Variants in GNG12 observed in about 807,000 individuals in gnomAD.
GNG12 encodes the protein G protein subunit gamma 12.
For missense variants in GNG12, 69 were observed against 83.8 expected (o/e 0.82, Z 0.69); for synonymous variants, 28 against 29.7 (o/e 0.94, Z 0.19).
intron 1 of GNG12, among the ~76,000 whole-genome samples, chr1:67,804,871 G>C (rs1646886276): frequency 6.6e-6 from 1 of 152,122 alleles, no homozygotes; most frequent in Non-Finnish European, 1.5e-5. Flanking sequence ...TTTACCTCTA[G>C]AAGCTCTCTC....
intron 2 of GNG12, among the ~76,000 whole-genome samples, chr1:67,721,961 C>T (rs867263602): frequency 2.6e-5 from 4 of 152,190 alleles, no homozygotes; most frequent in Middle Eastern, 3.4e-3. Flanking sequence ...AATCTACCCC[C>T]AGTTCTTGGT....
intron 2 of GNG12, among the ~76,000 whole-genome samples, chr1:67,756,033 T>C (rs1330788224): frequency 4.6e-5 from 7 of 152,148 alleles, no homozygotes. Flanking sequence ...CCCATCTTAC[T>C]TGTGCCTGGC....
At chr1:67,815,179 C>T (rs1246919567) in intron 1 of GNG12, among the ~76,000 whole-genome samples, 1 of 152,110 alleles carries the variant, frequency 6.6e-6, no homozygotes, top group Non-Finnish European at 1.5e-5. Flanking sequence ...GTATTTGTAT[C>T]CAGGAAATCA....
intron 1 of GNG12, among the ~76,000 whole-genome samples, chr1:67,791,154 C>T (rs1004682046): frequency 7.4e-6 from 1 of 135,186 alleles, no homozygotes; most frequent in African/African-American, 2.9e-5. Context: ...ACATGTATCT[C>T]CTAATTCCAG....
intron 2 of GNG12, among the ~76,000 whole-genome samples, chr1:67,760,263 ATCCTGGGCAACTCCCTGAGTT>A (rs1557608038): frequency 6.6e-6 from 1 of 152,134 alleles, no homozygotes; most frequent in Non-Finnish European, 1.5e-5. Context: ...ACGCATGCAA[ATCCTGGGCAACTCCCTGAGTT>A]TCCAAGGCAA....
rs1390585855 is a variant in GNG12 at position 67,703,149 on chromosome 1, GA to G, written c.*2301del. The G allele has an allele frequency of 1.3e-5, 2 of 151,994 alleles. No homozygotes were observed. The highest frequency in any genetic ancestry group is 4.8e-5 in the African/African-American group (2 of 41,304). The allele number at this position is 151,994 out of a possible 1,614,324, so 9.4% of individuals were successfully genotyped here. On this transcript the variant is annotated 3_prime_UTR_variant, in exon 4 of 4. Coordinates refer to ENST00000370982, the MANE Select transcript of GNG12 (RefSeq NM_018841.6). ...CAGCATCAAAAGATTTGATATTCATGAACATGCCCTACACCTGGTTAGGAAG... is the reference window on the plus strand; with the variant it reads ...CAGCATCAAAAGATTTGATATTCATGACATGCCCTACACCTGGTTAGGAAG...
intron 2 of GNG12, among the ~76,000 whole-genome samples, chr1:67,769,232 G>A (rs1646658744): frequency 6.6e-6 from 1 of 152,142 alleles, no homozygotes; most frequent in Admixed American, 6.5e-5. Context: ...GCTTCACCAT[G>A]GGTTGGGGGG....
rs115246458 is a variant in GNG12 at position 67,805,101 on chromosome 1, C to T, written c.-76-27594G>A. 3.3e-3 allele frequency among the ~76,000 whole-genome samples: 510 copies of T among 152,280 alleles called. 2 individuals are homozygous for T. Among genetic ancestry groups the T allele is most frequent in the African/African-American group, 0.012 (494 of 41,564 alleles). ...CTCCAGTACTCTCCTGTTACCCTGT[C>T]CCACCTAAGGGAAGAAAAAATACTG... On this transcript the variant is annotated intron_variant, in intron 1 of 3. Coordinates refer to ENST00000370982, the MANE Select transcript of GNG12 (RefSeq NM_018841.6).
rs115327259 is a variant in GNG12, at chr1:67,816,614, G to A, written c.-77+16730C>T. On this transcript the variant is annotated intron_variant, in intron 1 of 3. Coordinates refer to ENST00000370982, the MANE Select transcript of GNG12 (RefSeq NM_018841.6). ...TTTCCAGGTGGGCCCTGCCACTTAC[G>A]GTGTGACTCCTAAATACCTGTGGGG... Among the ~76,000 whole-genome samples the A allele has an allele frequency of 5.8e-3, 890 of 152,184 alleles. 7 individuals carry two copies. Among genetic ancestry groups the A allele is most frequent in the African/African-American group, 0.02 (850 of 41,502 alleles).
At chr1:67,824,274 C>T (rs1219133905) in intron 1 of GNG12, among the ~76,000 whole-genome samples, 1 of 152,004 alleles carries the variant, frequency 6.6e-6, no homozygotes, top group Non-Finnish European at 1.5e-5. Context: ...CTTTGGGAGG[C>T]TGAGGCTGGC....
intron 1 of GNG12, among the ~76,000 whole-genome samples, chr1:67,777,737 C>T (rs1463391759): frequency 6.6e-6 from 1 of 152,110 alleles, no homozygotes; most frequent in African/African-American, 2.4e-5. Flanking sequence ...AAGTCTGAGG[C>T]CAGCGTAACT....
intron 2 of GNG12, among the ~76,000 whole-genome samples, chr1:67,769,041 A>G (rs979510158): frequency 4.6e-5 from 7 of 152,338 alleles, no homozygotes; most frequent in Non-Finnish European, 1.0e-4. Context: ...AGTAAAAATG[A>G]GGACATAAAT....
At chr1:67,824,543 A>G (rs926126347) in intron 1 of GNG12, among the ~76,000 whole-genome samples, 3 of 151,960 alleles carry the variant, frequency 2.0e-5, no homozygotes, top group African/African-American at 7.2e-5. Context: ...GCAAGAAAAG[A>G]AAAGAAATCT....
intron 2 of GNG12, among the ~76,000 whole-genome samples, chr1:67,766,608 T>TTG (rs1646641712): frequency 6.6e-6 from 1 of 151,584 alleles, no homozygotes; most frequent in African/African-American, 2.4e-5. Context: ...TGTTGGTGTT[T>TTG]TTTTTTTTTT....
At chr1:67,824,993 G>T (rs1035178603) in intron 1 of GNG12, among the ~76,000 whole-genome samples, 3 of 152,228 alleles carry the variant, frequency 2.0e-5, no homozygotes, top group Non-Finnish European at 4.4e-5. Context: ...CTTCTAGGCA[G>T]CCTGCCAGGA....
chr1:67,807,005 G>A (rs1221294057), intron 1 of GNG12, among the ~76,000 whole-genome samples: 1 of 151,956 alleles, frequency 6.6e-6, no homozygotes, highest in Non-Finnish European at 1.5e-5. Context: ...AAGTTCACAT[G>A]GAACAGTCAC....
chr1:67,717,150 T>A (rs1351672013), intron 2 of GNG12, among the ~76,000 whole-genome samples: 1 of 152,184 alleles, frequency 6.6e-6, no homozygotes, highest in Non-Finnish European at 1.5e-5. Context: ...GCTTATGGTA[T>A]GATCAGAGTC....
chr1:67,762,007 C>T (rs1019843949), intron 2 of GNG12, among the ~76,000 whole-genome samples: 1 of 152,178 alleles, frequency 6.6e-6, no homozygotes, highest in Non-Finnish European at 1.5e-5. Flanking sequence ...ACTCTGGCCT[C>T]TTTGTTCAGG....
At chr1:67,800,167 C>T (rs1345165672) in intron 1 of GNG12, among the ~76,000 whole-genome samples, 1 of 152,162 alleles carries the variant, frequency 6.6e-6, no homozygotes, top group African/African-American at 2.4e-5. Context: ...TAACATCACA[C>T]ATTGTTCACT....
Sources: allele counts gnomAD v4.1 joint callset (sites outside exome capture counted in the v4.1 genomes callset), GRCh38; gene constraint gnomAD v4.1.1; transcripts MANE v1.5; gene names NCBI Gene and HGNC (gene_info 2026-07-23, HGNC 2026-07-21).